The following XPNPEP3 variants were observed in gnomAD, a reference collection of about 807,000 sequenced individuals.
XPNPEP3 encodes the protein xaa-Pro aminopeptidase 3.
XPNPEP3 carries 41 observed loss-of-function variants against 60.0 expected under a neutral mutation model. That is an observed-to-expected ratio of 0.68 (90% CI 0.53 to 0.89). The LOEUF is 0.89. XPNPEP3 is among the 40% of genes least tolerant of loss of function. The probability of loss-of-function intolerance (pLI) is 0.00; values close to 1 mark genes in which losing one functional copy is unlikely to be tolerated. For missense variants in XPNPEP3, 598 were observed against 638.9 expected, an observed-to-expected ratio of 0.94 and a Z score of 0.69; for synonymous variants, 212 against 223.2, an observed-to-expected ratio of 0.95 and a Z score of 0.45.
rs544468310 is a variant in XPNPEP3, at chr22:40,884,986, C to T, written c.590-1327C>T. Among the ~76,000 whole-genome samples, 9 of 151,776 alleles carry T rather than the reference C, an allele frequency of 5.9e-5. No homozygotes were observed. The South Asian group carries it at 1.7e-3, about 28-fold the overall frequency. Reference sequence around the variant, plus strand: ...GAGGTTGCAGTGAGCCGAGATCGCGCCACTGCACTCCAGCCTGGGTGACAG... The same window carrying T: ...GAGGTTGCAGTGAGCCGAGATCGCGTCACTGCACTCCAGCCTGGGTGACAG... On this transcript the variant is annotated intron_variant, in intron 3 of 9. Transcript: ENST00000357137.
rs1225430228 is a variant in XPNPEP3 at position 40,932,483 on chromosome 22, G to T, written c.*6048G>T. The stretch of plus-strand genomic sequence containing the variant: ...ATCATTAAACCTTAACAGTAGAGCA[G>T]AATTTCACTGTTACAAACCACATGG... On this transcript the variant is annotated 3_prime_UTR_variant, in exon 10 of 10. Transcript: ENST00000357137. 6.6e-6 allele frequency: 1 copy of T among 152,126 alleles called. No individual in the cohort carries two copies. The highest frequency in any genetic ancestry group is 6.6e-5 in the Admixed American group (1 of 15,226). 9.4% of individuals were successfully genotyped at this position (152,126 alleles called of 1,614,324 possible).
chr22:40,876,696 C>T (rs532536643), intron 2 of XPNPEP3, among the ~76,000 whole-genome samples: 22 of 152,214 alleles, frequency 1.4e-4, no homozygotes, highest in African/African-American at 5.1e-4. Flanking sequence ...GATTCCAACT[C>T]ACAAAAACCT....
intron 4 of XPNPEP3, among the ~76,000 whole-genome samples, chr22:40,901,321 A>C (rs1003248308): frequency 6.9e-6 from 1 of 145,922 alleles, no homozygotes; most frequent in East Asian, 2.0e-4. Context: ...CGCAACCTCC[A>C]CCTCCCAGGT....
chr22:40,866,315 TGTA>T (rs2057978388), intron 1 of XPNPEP3, among the ~76,000 whole-genome samples: 1 of 151,712 alleles, frequency 6.6e-6, no homozygotes, highest in South Asian at 2.1e-4. Flanking sequence ...TTATGTGAAG[TGTA>T]GTAGGTATTA....
intron 7 of XPNPEP3, among the ~76,000 whole-genome samples, chr22:40,914,998 T>G (rs919609855): frequency 1.4e-5 from 2 of 145,890 alleles, no homozygotes; most frequent in African/African-American, 2.5e-5. Context: ...AAAATCAAAA[T>G]AAAAGGCACC....
At chr22:40,862,541 C>T in intron 1 of XPNPEP3, 2 of 985,454 alleles carry the variant, frequency 2.0e-6, no homozygotes, top group Non-Finnish European at 2.4e-6. Context: ...AAACAAGTAA[C>T]TTAGTTACAA....
intron 6 of XPNPEP3, among the ~76,000 whole-genome samples, chr22:40,910,835 C>G (rs1484428879): frequency 6.6e-6 from 1 of 152,030 alleles, no homozygotes; most frequent in Non-Finnish European, 1.5e-5. Flanking sequence ...GAAACCCCGT[C>G]TCTACTAAAA....
At chr22:40,899,717 G>T (rs1202058894) in intron 4 of XPNPEP3, among the ~76,000 whole-genome samples, 3 of 151,794 alleles carry the variant, frequency 2.0e-5, no homozygotes, top group Non-Finnish European at 4.4e-5. Context: ...TACTTGGGAG[G>T]CTGAGACAGG....
intron 5 of XPNPEP3, among the ~76,000 whole-genome samples, chr22:40,908,172 C>CCACTG (rs2058163359): frequency 6.6e-6 from 1 of 151,744 alleles, no homozygotes; most frequent in Admixed American, 6.6e-5. Flanking sequence ...CAAGATCATG[C>CCACTG]CACTGCACTG....
intron 2 of XPNPEP3, among the ~76,000 whole-genome samples, chr22:40,881,296 G>A (rs1343780278): frequency 1.3e-5 from 2 of 151,866 alleles, no homozygotes; most frequent in African/African-American, 2.4e-5. Context: ...TGATCTGCCT[G>A]CCTTGGCCTC....
At chr22:40,862,680 G>T in intron 1 of XPNPEP3, 2 of 985,442 alleles carry the variant, frequency 2.0e-6, no homozygotes, top group Non-Finnish European at 2.4e-6. Context: ...CATGCCAGTG[G>T]TAAGTCATTT....
At chr22:40,858,541 T>G (rs1443555553) in intron 1 of XPNPEP3, among the ~76,000 whole-genome samples, 1 of 147,576 alleles carries the variant, frequency 6.8e-6, no homozygotes, top group Non-Finnish European at 1.5e-5. Flanking sequence ...TTTTTTTTTT[T>G]TTTTTGAGAC....
At chr22:40,879,460 C>A (rs1359067160) in intron 2 of XPNPEP3, among the ~76,000 whole-genome samples, 1 of 152,196 alleles carries the variant, frequency 6.6e-6, no homozygotes, top group African/African-American at 2.4e-5. Flanking sequence ...AAACCCAACA[C>A]TTTGGGAGGC....
chr22:40,857,840 G>GC (rs2057912064), intron 1 of XPNPEP3, among the ~76,000 whole-genome samples: 1 of 152,232 alleles, frequency 6.6e-6, no homozygotes, highest in Non-Finnish European at 1.5e-5. Flanking sequence ...AGGCGGATCT[G>GC]CCATTGGATC....
intron 2 of XPNPEP3, among the ~76,000 whole-genome samples, chr22:40,877,790 A>G (rs2058033068): frequency 6.6e-6 from 1 of 152,216 alleles, no homozygotes; most frequent in African/African-American, 2.4e-5. Context: ...CAGATTGACT[A>G]TAAAGTTGAG....
chr22:40,864,909 G>T (rs577927865), intron 1 of XPNPEP3, among the ~76,000 whole-genome samples: 2 of 152,198 alleles, frequency 1.3e-5, no homozygotes, highest in South Asian at 4.1e-4. Context: ...ACTGAAGATG[G>T]AGTTGCTCTG....
rs1348371289 is a variant in XPNPEP3 at position 40,928,597 on chromosome 22, G to T, written c.*2162G>T. On this transcript the variant is annotated 3_prime_UTR_variant, in exon 10 of 10. Coordinates refer to ENST00000357137, the MANE Select transcript of XPNPEP3 (RefSeq NM_022098.4). ...GAACAGGGCTAGATTACCACAGATA[G>T]CTTATTTAGGAGCGTCTGTGATAGA... The T allele has an allele frequency of 6.6e-6, 1 of 152,164 alleles. No individual in the cohort carries two copies. Among genetic ancestry groups the T allele is most frequent in the Non-Finnish European group, 1.5e-5 (1 of 68,040 alleles). The allele number at this position is 152,164 out of a possible 1,614,324, so 9.4% of individuals were successfully genotyped here. A position where few individuals can be genotyped will look rare whatever the true frequency, so the allele number is the denominator to read the frequency against.
In XPNPEP3 at chr22:40,927,103, G is replaced by A. The variant is rs1190448903; in HGVS notation, c.*668G>A. On this transcript the variant is annotated 3_prime_UTR_variant, in exon 10 of 10. Coordinates refer to ENST00000357137, the MANE Select transcript of XPNPEP3 (RefSeq NM_022098.4). ...AGCTTTTCTTGCCATTTGGTTGCCT[G>A]GGACCTGGAAAGTGTTTAGATTCTT... 1 of 153,728 alleles carries A rather than the reference G, an allele frequency of 6.5e-6. No homozygotes were observed. The highest frequency in any genetic ancestry group is 1.4e-5 in the Non-Finnish European group (1 of 69,186). The allele number at this position is 153,728 out of a possible 1,614,324, so 9.5% of individuals were successfully genotyped here. A position where few individuals can be genotyped will look rare whatever the true frequency, so the allele number is the denominator to read the frequency against.
intron 2 of XPNPEP3, among the ~76,000 whole-genome samples, chr22:40,878,983 G>A (rs1428482609): frequency 6.6e-6 from 1 of 152,168 alleles, no homozygotes; most frequent in Non-Finnish European, 1.5e-5. Context: ...AAAAAGGAAA[G>A]GTCGGATAAT....
Sources: gnomAD v4.1 joint callset for allele counts (sites outside exome capture counted in the v4.1 genomes callset) on GRCh38, gnomAD v4.1.1 for gene constraint, MANE v1.5 for transcripts, NCBI Gene and HGNC (gene_info 2026-07-23, HGNC 2026-07-21) for gene names.